Variants in ARL15 observed in about 807,000 individuals in gnomAD.
ARL15 encodes ADP-ribosylation factor-like protein 15.
Under a neutral mutation model 25.2 loss-of-function variants are expected in ARL15, and 19 were observed. The ratio of observed to expected loss-of-function variants is 0.75; its 90% CI spans 0.53 to 1.10. The LOEUF (loss-of-function observed/expected upper bound fraction) is 1.10. Ranked by LOEUF, ARL15 falls within the 50% of genes least tolerant of loss-of-function variation. The pLI is 0.00. For synonymous variants in ARL15, 94 were observed against 86.8 expected, an observed-to-expected ratio of 1.08 and a Z score of -0.46; for missense variants, 220 against 246.0, an observed-to-expected ratio of 0.89 and a Z score of 0.71.
intron 3 of ARL15, among the ~76,000 whole-genome samples, chr5:54,132,619 A>C (rs751257875): frequency 6.6e-6 from 1 of 152,184 alleles, no homozygotes; most frequent in Non-Finnish European, 1.5e-5. Flanking sequence ...AGAGGGATAA[A>C]AGAATGGCTA....
chr5:54,279,920 G>A (rs909974016), intron 1 of ARL15, among the ~76,000 whole-genome samples: 13 of 152,156 alleles, frequency 8.5e-5, no homozygotes, highest in Non-Finnish European at 1.9e-4. Flanking sequence ...ACTAACTGCC[G>A]GCCTCTTGCT....
At chr5:54,217,703 T>A (rs1041943805) in intron 1 of ARL15, among the ~76,000 whole-genome samples, 1 of 152,184 alleles carries the variant, frequency 6.6e-6, no homozygotes, top group Non-Finnish European at 1.5e-5. Context: ...ACCGTAACGA[T>A]CAGATGTTAC....
At chr5:54,011,780 G>A (rs1283643663) in intron 4 of ARL15, among the ~76,000 whole-genome samples, 2 of 152,146 alleles carry the variant, frequency 1.3e-5, no homozygotes, top group Non-Finnish European at 2.9e-5. Flanking sequence ...GGAAACCGAG[G>A]CGGGCGGATC....
intron 4 of ARL15, among the ~76,000 whole-genome samples, chr5:53,915,191 C>G (rs557432411): frequency 3.5e-4 from 53 of 152,200 alleles, no homozygotes; most frequent in Non-Finnish European, 7.2e-4. Context: ...CAGAGCTGAC[C>G]AAACCAAACT....
At chr5:54,150,654 G>A (rs1056687205) in intron 3 of ARL15, among the ~76,000 whole-genome samples, 5 of 151,704 alleles carry the variant, frequency 3.3e-5, no homozygotes, top group Non-Finnish European at 7.4e-5. Context: ...AAAAATTAGC[G>A]ACGTGCGGTG....
intron 4 of ARL15, among the ~76,000 whole-genome samples, chr5:53,957,577 T>G (rs1747200203): frequency 6.6e-6 from 1 of 152,166 alleles, no homozygotes; most frequent in South Asian, 2.1e-4. Context: ...GATTTATGCC[T>G]ATAATCCCAG....
intron 4 of ARL15, among the ~76,000 whole-genome samples, chr5:53,926,746 T>C (rs78322446): frequency 0.068 from 10,310 of 152,206 alleles, 434 homozygotes; most frequent in African/African-American, 0.1. Flanking sequence ...CTGCCATCCA[T>C]GCTCTTCTTT....
At chr5:54,257,127 A>C (rs1464676218) in intron 1 of ARL15, among the ~76,000 whole-genome samples, 1 of 152,100 alleles carries the variant, frequency 6.6e-6, no homozygotes, top group African/African-American at 2.4e-5. Flanking sequence ...AGGGAACCCA[A>C]GTTGGAAAAG....
At chr5:54,267,478 CTT>C (rs1479591016) in intron 1 of ARL15, among the ~76,000 whole-genome samples, 2 of 152,168 alleles carry the variant, frequency 1.3e-5, no homozygotes, top group Non-Finnish European at 2.9e-5. Context: ...CTTATACTCA[CTT>C]ATCCATTTTT....
chr5:53,912,374 A>G (rs1745491878), intron 4 of ARL15, among the ~76,000 whole-genome samples: 1 of 152,170 alleles, frequency 6.6e-6, no homozygotes, highest in African/African-American at 2.4e-5. Context: ...ACAACAAAAA[A>G]ACGGTTTTCA....
intron 4 of ARL15, among the ~76,000 whole-genome samples, chr5:54,034,069 T>A (rs973215936): frequency 2.0e-5 from 3 of 152,172 alleles, no homozygotes; most frequent in South Asian, 2.1e-4. Context: ...TGCCTTGGCC[T>A]CCCAAAGTGC....
chr5:53,985,567 C>CT (rs1748269070), intron 4 of ARL15, among the ~76,000 whole-genome samples: 1 of 152,190 alleles, frequency 6.6e-6, no homozygotes, highest in South Asian at 2.1e-4. Context: ...AGGTATTTCT[C>CT]TTTTAATGAC....
At chr5:53,965,196 C>T (rs1329724165) in intron 4 of ARL15, among the ~76,000 whole-genome samples, 3 of 152,138 alleles carry the variant, frequency 2.0e-5, no homozygotes, top group African/African-American at 7.2e-5. Flanking sequence ...CCGGACCTTG[C>T]AGAGTCCTTA....
chr5:54,265,161 C>T (rs1184388942), intron 1 of ARL15, among the ~76,000 whole-genome samples: 3 of 152,102 alleles, frequency 2.0e-5, no homozygotes, highest in African/African-American at 7.2e-5. Context: ...ATCAGACTTC[C>T]CCTAAAAAAA....
At chr5:54,202,737 A>G (rs531912564) in intron 1 of ARL15, among the ~76,000 whole-genome samples, 12 of 152,348 alleles carry the variant, frequency 7.9e-5, no homozygotes, top group African/African-American at 2.9e-4. Context: ...GTTATATAAA[A>G]GGTCATTTCA....
intron 1 of ARL15, among the ~76,000 whole-genome samples, chr5:54,255,169 A>G (rs1280285933): frequency 6.6e-6 from 1 of 152,128 alleles, no homozygotes; most frequent in Non-Finnish European, 1.5e-5. Context: ...ACACACGTAT[A>G]ATTAGTTTAG....
chr5:54,240,232 TA>T (rs36061787), intron 1 of ARL15, among the ~76,000 whole-genome samples: 70,843 of 132,720 alleles, frequency 0.53, 18,737 homozygotes, highest in Non-Finnish European at 0.6. Context: ...ATCTCAAAAA[TA>T]AAAAAAAAAA....
At chr5:54,140,417 C>CAGATAGATAGATAGATAGAT (rs57386310) in intron 3 of ARL15, among the ~76,000 whole-genome samples, 1 of 145,264 alleles carries the variant, frequency 6.9e-6, no homozygotes, top group Non-Finnish European at 1.5e-5. Context: ...TGTGGATAGA[C>CAGATAGATAGATAGATAGAT]AGATAGATAG....
intron 4 of ARL15, among the ~76,000 whole-genome samples, chr5:54,051,820 T>G (rs147330133): frequency 6.6e-4 from 100 of 152,320 alleles, no homozygotes; most frequent in African/African-American, 2.4e-3. Flanking sequence ...AAACTTACGT[T>G]CACACAAAGC....
Sources: allele counts gnomAD v4.1 joint callset (sites outside exome capture counted in the v4.1 genomes callset), GRCh38; gene constraint gnomAD v4.1.1; transcripts MANE v1.5; gene names NCBI Gene and HGNC (gene_info 2026-07-23, HGNC 2026-07-21).